Variants in CNTNAP2 observed in about 807,000 individuals in gnomAD.
CNTNAP2 encodes the protein contactin associated protein 2, also known as contactin-associated protein-like 2.
Under a neutral mutation model 155.2 loss-of-function variants are expected in CNTNAP2, and 98 were observed. The ratio of observed to expected loss-of-function variants is 0.63; its 90% CI spans 0.54 to 0.75. The LOEUF is 0.75. CNTNAP2 is among the 30% of genes least tolerant of loss of function. CNTNAP2 has a pLI of 0.00. For missense variants in CNTNAP2, 1,727 were observed against 1,688.1 expected, an observed-to-expected ratio of 1.02 and a Z score of -0.40; for synonymous variants, 651 against 631.2, an observed-to-expected ratio of 1.03 and a Z score of -0.47.
intron 13 of CNTNAP2, among the ~76,000 whole-genome samples, chr7:147,751,360 G>A (rs372213999): frequency 2.0e-5 from 3 of 149,962 alleles, no homozygotes; most frequent in African/African-American, 7.3e-5. Flanking sequence ...GGAGGAATTA[G>A]GTGGTTGACG....
chr7:146,137,587 GA>G (rs1316607424), intron 1 of CNTNAP2, among the ~76,000 whole-genome samples: 2 of 151,968 alleles, frequency 1.3e-5, no homozygotes, highest in Non-Finnish European at 2.9e-5. Flanking sequence ...AGCCTAAGAA[GA>G]AAATGCATGC....
chr7:147,325,407 C>G (rs1795435901), intron 9 of CNTNAP2, among the ~76,000 whole-genome samples: 1 of 152,134 alleles, frequency 6.6e-6, no homozygotes, highest in Non-Finnish European at 1.5e-5. Context: ...AATGCCATGT[C>G]TGCCTCTGTG....
intron 3 of CNTNAP2, among the ~76,000 whole-genome samples, chr7:146,894,972 C>T (rs1002693834): frequency 1.3e-5 from 2 of 152,166 alleles, no homozygotes; most frequent in Non-Finnish European, 2.9e-5. Flanking sequence ...TTACTACATT[C>T]TCCCAACCAT....
intron 13 of CNTNAP2, among the ~76,000 whole-genome samples, chr7:147,703,117 T>C (rs1796261371): frequency 6.6e-6 from 1 of 152,170 alleles, no homozygotes; most frequent in South Asian, 2.1e-4. Context: ...TTCTAACCAC[T>C]GCGCCTGTTT....
chr7:147,213,721 G>C (rs1803205715), intron 8 of CNTNAP2, among the ~76,000 whole-genome samples: 2 of 152,196 alleles, frequency 1.3e-5, no homozygotes, highest in Admixed American at 1.3e-4. Context: ...TTGTCTGCAG[G>C]CTGGAAACCC....
intron 2 of CNTNAP2, among the ~76,000 whole-genome samples, chr7:146,810,626 GTT>G (rs57123058): frequency 6.8e-6 from 1 of 147,854 alleles, no homozygotes; most frequent in African/African-American, 2.4e-5. Context: ...CTTTCTATCT[GTT>G]TTTTTTTTAA....
intron 16 of CNTNAP2, among the ~76,000 whole-genome samples, chr7:148,137,533 G>A (rs973424758): frequency 3.3e-5 from 5 of 152,096 alleles, no homozygotes; most frequent in East Asian, 1.9e-4. Context: ...GTGGTGGCGC[G>A]TGCCTGCGGT....
chr7:147,987,854 C>G (rs1436853653), intron 15 of CNTNAP2, among the ~76,000 whole-genome samples: 1 of 152,004 alleles, frequency 6.6e-6, no homozygotes, highest in Non-Finnish European at 1.5e-5. Flanking sequence ...GCCACCACAC[C>G]CCGCTAATTT....
chr7:146,865,450 A>AAT (rs1224314027), intron 3 of CNTNAP2, among the ~76,000 whole-genome samples: 2 of 152,134 alleles, frequency 1.3e-5, no homozygotes, highest in Non-Finnish European at 2.9e-5. Context: ...TGTAAATATA[A>AAT]ATATATAGAT....
At chr7:147,830,149 A>C (rs897512053) in intron 13 of CNTNAP2, among the ~76,000 whole-genome samples, 2 of 134,856 alleles carry the variant, frequency 1.5e-5, no homozygotes, top group Non-Finnish European at 3.1e-5. Context: ...GTCTCAGTCC[A>C]TTCGGGTTGC....
chr7:148,166,489 T>C (rs1052359977), intron 17 of CNTNAP2, among the ~76,000 whole-genome samples: 2 of 57,278 alleles, frequency 3.5e-5, no homozygotes, highest in Admixed American at 3.3e-4. Context: ...GAGGACAGTG[T>C]TTTTTTTTTT....
chr7:146,589,125 C>T (rs115838031), intron 1 of CNTNAP2, among the ~76,000 whole-genome samples: 1 of 152,022 alleles, frequency 6.6e-6, no homozygotes, highest in Admixed American at 6.6e-5. Context: ...TTCTAGAAAG[C>T]TTTTGGAATG....
chr7:147,539,146 T>C (rs1198470744), intron 11 of CNTNAP2, among the ~76,000 whole-genome samples: 1 of 152,160 alleles, frequency 6.6e-6, no homozygotes, highest in Non-Finnish European at 1.5e-5. Context: ...TATATACATA[T>C]ATCAAAAATG....
At chr7:146,830,232 C>T (rs566619624) in intron 2 of CNTNAP2, among the ~76,000 whole-genome samples, 2 of 151,620 alleles carry the variant, frequency 1.3e-5, no homozygotes, top group South Asian at 4.2e-4. Flanking sequence ...GAAACTTTTA[C>T]AATTTGATCT....
chr7:147,464,950 A>G (rs1194462938), intron 10 of CNTNAP2, among the ~76,000 whole-genome samples: 2 of 152,250 alleles, frequency 1.3e-5, no homozygotes, highest in Non-Finnish European at 2.9e-5. Context: ...GATGTGATAC[A>G]TATACACCAT....
intron 3 of CNTNAP2, among the ~76,000 whole-genome samples, chr7:146,940,204 T>TTATG (rs1797021767): frequency 6.6e-6 from 1 of 152,024 alleles, no homozygotes; most frequent in African/African-American, 2.4e-5. Flanking sequence ...TTTATTTTTA[T>TTATG]TATTTATTTA....
At chr7:147,731,287 A>G (rs1796734687) in intron 13 of CNTNAP2, among the ~76,000 whole-genome samples, 1 of 152,148 alleles carries the variant, frequency 6.6e-6, no homozygotes, top group Non-Finnish European at 1.5e-5. Flanking sequence ...GTCTGGCTTC[A>G]GGACTTCAAA....
intron 14 of CNTNAP2, among the ~76,000 whole-genome samples, chr7:147,950,915 A>G (rs1800918580): frequency 6.6e-6 from 1 of 152,224 alleles, no homozygotes; most frequent in South Asian, 2.1e-4. Context: ...CTGTCTCTTC[A>G]CTTTTCTACA....
At chr7:146,622,511 CTGTT>C (rs940526470) in intron 1 of CNTNAP2, among the ~76,000 whole-genome samples, 1 of 152,092 alleles carries the variant, frequency 6.6e-6, no homozygotes, top group East Asian at 1.9e-4. Context: ...GTCTTCATAT[CTGTT>C]TGTATGTATA....
Sources: allele counts gnomAD v4.1 joint callset (sites outside exome capture counted in the v4.1 genomes callset), GRCh38; gene constraint gnomAD v4.1.1; transcripts MANE v1.5; gene names NCBI Gene and HGNC (gene_info 2026-07-23, HGNC 2026-07-21).